Variants in B4GALT5 observed in about 807,000 individuals in gnomAD.
B4GALT5 encodes beta-1,4-galactosyltransferase 5, also known as UDP-Gal:beta-GlcNAc beta-1,4-galactosyltransferase 5.
A neutral mutation model predicts 45.0 loss-of-function variants in B4GALT5; 11 were observed. The ratio of observed to expected loss-of-function variants is 0.24; its 90% CI spans 0.15 to 0.40. The LOEUF (loss-of-function observed/expected upper bound fraction) is 0.40. Among genes scored for constraint, B4GALT5 ranks in the 10% least tolerant of loss-of-function variants. The pLI is 1.00. For synonymous variants in B4GALT5, 185 were observed against 182.9 expected, an observed-to-expected ratio of 1.01 and a Z score of -0.09; for missense variants, 337 against 500.2, an observed-to-expected ratio of 0.67 and a Z score of 3.11.
chr20:49,678,862 T>A (rs2085750907), intron 1 of B4GALT5, among the ~76,000 whole-genome samples: 1 of 152,202 alleles, frequency 6.6e-6, no homozygotes, highest in South Asian at 2.1e-4. Context: ...TCCACTTCAA[T>A]ATAAACATTG....
intron 1 of B4GALT5, among the ~76,000 whole-genome samples, chr20:49,674,699 AAAG>A (rs201823894): frequency 0.016 from 2,420 of 152,048 alleles, 36 homozygotes; most frequent in East Asian, 0.082. Flanking sequence ...TAAAAAAAAA[AAAG>A]AAGAAGAAGA....
At chr20:49,674,565 C>T (rs962014379) in intron 1 of B4GALT5, among the ~76,000 whole-genome samples, 1 of 151,642 alleles carries the variant, frequency 6.6e-6, no homozygotes, top group African/African-American at 2.4e-5. Flanking sequence ...CTGAATAAGC[C>T]AGCCGCAGGA....
chr20:49,701,719 A>C (rs1315878522), intron 1 of B4GALT5, among the ~76,000 whole-genome samples: 1 of 152,220 alleles, frequency 6.6e-6, no homozygotes, highest in Non-Finnish European at 1.5e-5. Context: ...CTTTATTGTA[A>C]CTACTTAATA....
chr20:49,712,952 G>C (rs900800043), intron 1 of B4GALT5, among the ~76,000 whole-genome samples: 1 of 151,752 alleles, frequency 6.6e-6, no homozygotes, highest in East Asian at 1.9e-4. Context: ...AGAGAGATCA[G>C]GCCACTGAAG....
At chr20:49,678,204 T>C (rs565657751) in intron 1 of B4GALT5, among the ~76,000 whole-genome samples, 4 of 152,326 alleles carry the variant, frequency 2.6e-5, no homozygotes, top group African/African-American at 9.6e-5. Flanking sequence ...CCCCTCCTGA[T>C]ATGGCAAGCA....
intron 2 of B4GALT5, among the ~76,000 whole-genome samples, chr20:49,651,518 G>A (rs1038699859): frequency 1.3e-5 from 2 of 152,044 alleles, no homozygotes; most frequent in Non-Finnish European, 1.5e-5. Context: ...GAACCTGGGA[G>A]GCAGAGGTTG....
chr20:49,683,385 ATTTTTTT>A lies in B4GALT5; in HGVS notation c.116-26690_116-26684del, dbSNP rs66503719. On this transcript the variant is annotated intron_variant, in intron 1 of 8. Coordinates refer to ENST00000371711, the MANE Select transcript of B4GALT5 (RefSeq NM_004776.4). ...CTGGAGGAGGGCTAGACAGGTTTAA[ATTTTTTT>A]TTTTTTTTTTTTTTTTTTGGAGATG... Among the ~76,000 whole-genome samples, 686 of 96,664 alleles carry A rather than the reference ATTTTTTT, an allele frequency of 7.1e-3. 6 individuals carry two copies. The highest frequency in any genetic ancestry group is 0.026 in the African/African-American group (629 of 24,528). The allele number at this position is 96,664 out of a possible 152,430, so 63.4% of individuals were successfully genotyped here. A position where few individuals can be genotyped will look rare whatever the true frequency, so the allele number is the denominator to read the frequency against.
intron 1 of B4GALT5, among the ~76,000 whole-genome samples, chr20:49,660,479 G>A (rs1267440263): frequency 3.3e-5 from 5 of 152,198 alleles, no homozygotes; most frequent in Admixed American, 6.5e-5. Flanking sequence ...CTTTTTAAAC[G>A]TCCATTACAT....
chr20:49,637,641 C>T (rs115128363), intron 7 of B4GALT5, among the ~76,000 whole-genome samples, 199 bp from the exon 8 acceptor site: 1,849 of 151,916 alleles, frequency 0.012, 31 homozygotes, highest in African/African-American at 0.042. Flanking sequence ...TTTATGTGAA[C>T]GGAAAAAATA....
At chr20:49,652,548 T>G (rs2085626806) in intron 2 of B4GALT5, among the ~76,000 whole-genome samples, 1 of 132,794 alleles carries the variant, frequency 7.5e-6, no homozygotes, top group Admixed American at 7.6e-5. Flanking sequence ...GAGAAAGAGG[T>G]GAAGATGACC....
intron 1 of B4GALT5, among the ~76,000 whole-genome samples, chr20:49,690,606 C>A (rs1296542851): frequency 6.7e-6 from 1 of 150,366 alleles, no homozygotes; most frequent in Non-Finnish European, 1.5e-5. Flanking sequence ...GTAAATGAAA[C>A]CATATTCCTG....
intron 1 of B4GALT5, among the ~76,000 whole-genome samples, chr20:49,674,420 A>G (rs971363815): frequency 2.0e-5 from 3 of 152,110 alleles, no homozygotes; most frequent in African/African-American, 7.2e-5. Context: ...CTATGCCCGT[A>G]AAGTATTCTT....
In B4GALT5 at chr20:49,656,708, G is replaced by C; in HGVS notation, c.116-6C>G. 1 of 1,612,692 alleles carries C rather than the reference G, an allele frequency of 6.2e-7. No individual in the cohort carries two copies. The highest frequency in any genetic ancestry group is 8.5e-7 in the Non-Finnish European group (1 of 1,179,522). ...CATGAAGAGGTAGGTGTTCACTGCA[G>C]AAAGCAAAAAGGGGAAAAAGAGGTG... On this transcript the variant is annotated splice_region_variant and splice_polypyrimidine_tract_variant and intron_variant, in intron 1 of 8. Coordinates refer to ENST00000371711, the MANE Select transcript of B4GALT5 (RefSeq NM_004776.4).
chr20:49,653,789 G>C (rs1011175322), intron 2 of B4GALT5, among the ~76,000 whole-genome samples: 20 of 152,244 alleles, frequency 1.3e-4, no homozygotes, highest in South Asian at 2.1e-4. Flanking sequence ...TCTAACCAGA[G>C]AGATGCAAGG....
intron 1 of B4GALT5, among the ~76,000 whole-genome samples, chr20:49,682,151 C>G (rs868767697): frequency 6.6e-6 from 1 of 152,164 alleles, no homozygotes; most frequent in Non-Finnish European, 1.5e-5. Context: ...ATTCAGAGTA[C>G]ACATCAAACT....
At chr20:49,683,621 GACCTCAGATGATCTGCCA>G (rs1239131114) in intron 1 of B4GALT5, among the ~76,000 whole-genome samples, 2 of 151,724 alleles carry the variant, frequency 1.3e-5, no homozygotes, top group African/African-American at 4.8e-5. Context: ...TTGAACTCCT[GACCTCAGATGATCTGCCA>G]ACCTCAGATG....
chr20:49,690,118 C>T lies in B4GALT5; in HGVS notation c.115+23458G>A, dbSNP rs186520469. Among the ~76,000 whole-genome samples, 197 of 151,462 alleles carry T rather than the reference C, an allele frequency of 1.3e-3. 2 individuals are homozygous for T. Among genetic ancestry groups the T allele is most frequent in the African/African-American group, 4.7e-3 (194 of 41,300 alleles). On this transcript the variant is annotated intron_variant, in intron 1 of 8. Coordinates refer to ENST00000371711, the MANE Select transcript of B4GALT5 (RefSeq NM_004776.4). The stretch of plus-strand genomic sequence containing the variant: ...TCCTGGCCTCAAGCAATTCTCCTGC[C>T]TCAATCTCCCAAGTAGCTGGGATTA...
intron 1 of B4GALT5, among the ~76,000 whole-genome samples, chr20:49,712,990 C>T (rs903362139): frequency 6.9e-6 from 1 of 145,688 alleles, no homozygotes; most frequent in African/African-American, 2.6e-5. Flanking sequence ...GGAGGAGGAC[C>T]TGGAGGTGGA....
At chr20:49,668,778 C>A (rs980159144) in intron 1 of B4GALT5, among the ~76,000 whole-genome samples, 11 of 152,078 alleles carry the variant, frequency 7.2e-5, no homozygotes, top group African/African-American at 2.4e-4. Context: ...CCGACCAATC[C>A]CTGTCCCTGA....
Sources: allele counts gnomAD v4.1 joint callset (sites outside exome capture counted in the v4.1 genomes callset), GRCh38; gene constraint gnomAD v4.1.1; transcripts MANE v1.5; gene names NCBI Gene and HGNC (gene_info 2026-07-23, HGNC 2026-07-21).